Variants in EPHA6 observed in about 807,000 individuals in gnomAD.
EPHA6 encodes the protein ephrin type-A receptor 6.
In EPHA6, 50 loss-of-function variants were observed where a neutral mutation model predicts 112.0. That is an observed-to-expected ratio of 0.45 (90% CI 0.36 to 0.56). The LOEUF (loss-of-function observed/expected upper bound fraction) is 0.56, where lower values mean the gene tolerates loss of function less well. Ranked by LOEUF, EPHA6 falls within the 20% of genes least tolerant of loss-of-function variation. EPHA6 has a pLI of 0.00. For synonymous variants in EPHA6, 529 were observed against 490.7 expected (o/e 1.08, Z -1.03); for missense variants, 1,280 against 1,417.4 (o/e 0.90, Z 1.56).
chr3:97,430,515 T>A (rs905546104), intron 6 of EPHA6, among the ~76,000 whole-genome samples: 9 of 152,124 alleles, frequency 5.9e-5, no homozygotes. Context: ...TAGATTTTTA[T>A]TGGAATAAGC....
chr3:97,383,527 T>G (rs2085874692), intron 5 of EPHA6, among the ~76,000 whole-genome samples: 1 of 152,118 alleles, frequency 6.6e-6, no homozygotes, highest in African/African-American at 2.4e-5. Context: ...CATGAAATTT[T>G]TATGTCTATT....
chr3:97,298,423 A>C (rs1353776263), intron 5 of EPHA6, among the ~76,000 whole-genome samples: 1 of 152,146 alleles, frequency 6.6e-6, no homozygotes, highest in African/African-American at 2.4e-5. Context: ...ATTTCGTTTC[A>C]CTCTTAGATG....
chr3:97,593,979 A>G lies in EPHA6; in HGVS notation c.2512+1242A>G, dbSNP rs76798067. ...CAATTGTACAGAAATTTTGTTGTTG[A>G]TGATGTTGTTGCAAAGGATTAGAAA... On this transcript the variant is annotated intron_variant, in intron 12 of 17. Coordinates refer to ENST00000389672, the MANE Select transcript of EPHA6 (RefSeq NM_001080448.3). Among the ~76,000 whole-genome samples, 369 of 152,330 alleles carry G rather than the reference A, an allele frequency of 2.4e-3. 9 individuals are homozygous for G. The highest frequency in any genetic ancestry group is 0.022 in the Admixed American group (340 of 15,298).
chr3:97,728,124 T>A (rs1009498785), intron 15 of EPHA6, among the ~76,000 whole-genome samples: 19 of 152,058 alleles, frequency 1.2e-4, no homozygotes, highest in Non-Finnish European at 2.5e-4. Context: ...AAAGAGAGCA[T>A]TTTCAAATTC....
intron 13 of EPHA6, among the ~76,000 whole-genome samples, chr3:97,628,341 T>C (rs2093875763): frequency 6.6e-6 from 1 of 152,022 alleles, no homozygotes; most frequent in Non-Finnish European, 1.5e-5. Context: ...AGTTCAATGA[T>C]AGGCAATAAC....
At chr3:97,438,123 A>C (rs1303617100) in intron 6 of EPHA6, among the ~76,000 whole-genome samples, 1 of 152,198 alleles carries the variant, frequency 6.6e-6, no homozygotes, top group Non-Finnish European at 1.5e-5. Flanking sequence ...AACTTTAAAC[A>C]CTTAATTTTT....
intron 7 of EPHA6, among the ~76,000 whole-genome samples, chr3:97,472,496 G>A (rs950823501): frequency 3.8e-4 from 57 of 151,716 alleles, no homozygotes; most frequent in African/African-American, 1.3e-3. Flanking sequence ...GAAGACATAC[G>A]CTAGAGCCAT....
chr3:97,270,196 A>G (rs568128436), intron 5 of EPHA6, among the ~76,000 whole-genome samples: 17 of 152,334 alleles, frequency 1.1e-4, no homozygotes, highest in African/African-American at 3.1e-4. Flanking sequence ...ATTACTGTCA[A>G]AAATAATTTT....
intron 1 of EPHA6, among the ~76,000 whole-genome samples, chr3:96,855,521 A>T (rs2107395785): frequency 1.3e-5 from 2 of 152,242 alleles, no homozygotes; most frequent in South Asian, 4.1e-4. Context: ...TGCCCATTTA[A>T]TGGGAAAACA....
At chr3:97,641,135 T>G (rs2107571857) in intron 14 of EPHA6, among the ~76,000 whole-genome samples, 1 of 152,272 alleles carries the variant, frequency 6.6e-6, no homozygotes, top group South Asian at 2.1e-4. Context: ...CTAATGGTAT[T>G]AGATTACAAA....
chr3:97,374,402 G>A (rs1397641079), intron 5 of EPHA6, among the ~76,000 whole-genome samples: 3 of 152,036 alleles, frequency 2.0e-5, no homozygotes, highest in East Asian at 3.9e-4. Context: ...GTGGACTACA[G>A]CCTTGGTTAC....
intron 11 of EPHA6, among the ~76,000 whole-genome samples, chr3:97,561,367 C>T (rs2093189194): frequency 6.6e-6 from 1 of 152,000 alleles, no homozygotes. Flanking sequence ...AAAAGTGCTA[C>T]TCCATTGAAC....
chr3:97,477,151 TC>T (rs1371464087), intron 8 of EPHA6, among the ~76,000 whole-genome samples: 2 of 152,148 alleles, frequency 1.3e-5, no homozygotes, highest in Non-Finnish European at 2.9e-5. Flanking sequence ...ATATAGCTCA[TC>T]TTTTATAGAG....
At chr3:97,150,372 G>A (rs938272767) in intron 3 of EPHA6, among the ~76,000 whole-genome samples, 12 of 152,078 alleles carry the variant, frequency 7.9e-5, no homozygotes, top group Admixed American at 4.6e-4. Context: ...AAGAGATAGT[G>A]TCTTCCTGTA....
intron 14 of EPHA6, among the ~76,000 whole-genome samples, chr3:97,650,432 G>A (rs187298695): frequency 4.5e-4 from 68 of 152,158 alleles, no homozygotes; most frequent in African/African-American, 1.6e-3. Flanking sequence ...ATGAAGCTTA[G>A]GAAACAACAG....
chr3:97,223,741 G>A (rs1234553087), intron 3 of EPHA6, among the ~76,000 whole-genome samples: 1 of 152,198 alleles, frequency 6.6e-6, no homozygotes, highest in Non-Finnish European at 1.5e-5. Flanking sequence ...AAGCCTTAAC[G>A]GAGAAGGTGC....
intron 3 of EPHA6, among the ~76,000 whole-genome samples, chr3:97,020,489 T>C (rs549331853): frequency 5.3e-5 from 8 of 152,118 alleles, no homozygotes; most frequent in Non-Finnish European, 1.2e-4. Context: ...TGTTGGAGCA[T>C]AGATGAAGAG....
At chr3:97,495,425 ATTCTT>A (rs1348322916) in intron 10 of EPHA6, among the ~76,000 whole-genome samples, 67 of 151,768 alleles carry the variant, frequency 4.4e-4, no homozygotes, top group Admixed American at 4.4e-3. Flanking sequence ...TATATGATAT[ATTCTT>A]TACATGTCTA....
intron 1 of EPHA6, among the ~76,000 whole-genome samples, chr3:96,831,021 G>C (rs2034039267): frequency 1.3e-5 from 2 of 151,880 alleles, no homozygotes. Context: ...AAATAATGTT[G>C]TACATGATAA....
Sources: allele counts gnomAD v4.1 joint callset (sites outside exome capture counted in the v4.1 genomes callset), GRCh38; gene constraint gnomAD v4.1.1; transcripts MANE v1.5; gene names NCBI Gene and HGNC (gene_info 2026-07-23, HGNC 2026-07-21).